The following DIAPH3 variants were observed in gnomAD, a reference collection of about 807,000 sequenced individuals.
DIAPH3 encodes the protein protein diaphanous homolog 3.
DIAPH3 carries 117 observed loss-of-function variants against 144.3 expected under a neutral mutation model. That is an observed-to-expected ratio of 0.81 (90% CI 0.70 to 0.95). The LOEUF is 0.95. Among genes scored for constraint, DIAPH3 ranks in the 40% least tolerant of loss-of-function variants. The pLI is 0.00. For synonymous variants in DIAPH3, 519 were observed against 488.9 expected (o/e 1.06, Z -0.81); for missense variants, 1,421 against 1,412.7 (o/e 1.01, Z -0.09).
At chr13:59,726,929 T>A (rs2035629042) in intron 27 of DIAPH3, among the ~76,000 whole-genome samples, 1 of 152,168 alleles carries the variant, frequency 6.6e-6, no homozygotes, top group Non-Finnish European at 1.5e-5. Context: ...AAATCAAGAA[T>A]AATAATAAAA....
At chr13:59,884,221 G>A (rs2045286883) in intron 20 of DIAPH3, among the ~76,000 whole-genome samples, 1 of 152,114 alleles carries the variant, frequency 6.6e-6, no homozygotes, top group Non-Finnish European at 1.5e-5. Context: ...TCTAATGCCT[G>A]GATGATCTGT....
intron 20 of DIAPH3, among the ~76,000 whole-genome samples, chr13:59,897,929 C>T (rs756533820): frequency 5.9e-5 from 9 of 151,406 alleles, no homozygotes; most frequent in African/African-American, 2.2e-4. Context: ...GTCAGGAGTT[C>T]GAGACCAGCC....
intron 4 of DIAPH3, among the ~76,000 whole-genome samples, chr13:60,046,606 G>A (rs1202738684): frequency 6.6e-6 from 1 of 152,120 alleles, no homozygotes; most frequent in Non-Finnish European, 1.5e-5. Context: ...ATTTGACCGA[G>A]CAATCCCATT....
chr13:59,931,524 C>T lies in DIAPH3; in HGVS notation c.2075-6654G>A, dbSNP rs78569532. Reference sequence around the variant, plus strand: ...TACATATCATAAATTTGATATTGTCCCTCTTCCTCCATTAGAAGATAAGAT... The same window carrying T: ...TACATATCATAAATTTGATATTGTCTCTCTTCCTCCATTAGAAGATAAGAT... On this transcript the variant is annotated intron_variant, in intron 17 of 27. Coordinates refer to ENST00000400324, the MANE Select transcript of DIAPH3 (RefSeq NM_001042517.2). Among the ~76,000 whole-genome samples, 903 of 152,176 alleles carry T rather than the reference C, an allele frequency of 5.9e-3. 9 individuals carry two copies. The highest frequency in any genetic ancestry group is 0.021 in the African/African-American group (855 of 41,514).
intron 27 of DIAPH3, among the ~76,000 whole-genome samples, chr13:59,714,510 G>C (rs972335410): frequency 3.9e-5 from 6 of 152,200 alleles, no homozygotes; most frequent in African/African-American, 1.4e-4. Context: ...CTGCTAGCCT[G>C]GGCAACACAG....
intron 27 of DIAPH3, among the ~76,000 whole-genome samples, chr13:59,704,084 A>G (rs969917506): frequency 1.8e-4 from 28 of 152,300 alleles, no homozygotes; most frequent in Admixed American, 4.6e-4. Flanking sequence ...TTTCCTCAGC[A>G]AAAATAGATC....
chr13:60,077,224 A>G (rs2057408556), intron 4 of DIAPH3, among the ~76,000 whole-genome samples: 1 of 152,044 alleles, frequency 6.6e-6, no homozygotes, highest in Non-Finnish European at 1.5e-5. Flanking sequence ...CAAAAATGAC[A>G]GGGGGAAATG....
At chr13:60,034,957 T>C (rs763261953) in intron 5 of DIAPH3, among the ~76,000 whole-genome samples, 1 of 151,898 alleles carries the variant, frequency 6.6e-6, no homozygotes, top group Non-Finnish European at 1.5e-5. Flanking sequence ...ACTTTACATG[T>C]TAACAGAATT....
At chr13:60,093,870 C>T (rs2058028806) in intron 3 of DIAPH3, 138 bp from the exon 4 acceptor site, 1 of 657,922 alleles carries the variant, frequency 1.5e-6, no homozygotes, top group Non-Finnish European at 2.7e-6. Flanking sequence ...GTAGTTCTGC[C>T]TGAAGGAAGG....
At chr13:60,133,629 T>C (rs915705360) in intron 1 of DIAPH3, among the ~76,000 whole-genome samples, 15 of 152,166 alleles carry the variant, frequency 9.9e-5, no homozygotes, top group African/African-American at 3.6e-4. Context: ...CTTTTGCTGA[T>C]TTCCTTGCTA....
intron 24 of DIAPH3, among the ~76,000 whole-genome samples, chr13:59,820,411 C>A (rs749971553): frequency 6.6e-6 from 1 of 151,840 alleles, no homozygotes; most frequent in Non-Finnish European, 1.5e-5. Context: ...CATATATATG[C>A]ACATTGTTTT....
intron 24 of DIAPH3, among the ~76,000 whole-genome samples, chr13:59,821,535 G>C (rs1822350824): frequency 6.6e-6 from 1 of 152,048 alleles, no homozygotes; most frequent in Admixed American, 6.5e-5. Flanking sequence ...TCAGAATATA[G>C]AAATTACGTG....
At chr13:60,085,814 T>C (rs1260914474) in intron 4 of DIAPH3, among the ~76,000 whole-genome samples, 8 of 152,094 alleles carry the variant, frequency 5.3e-5, no homozygotes, top group Non-Finnish European at 1.2e-4. Context: ...TATCACTACA[T>C]TCATGGTTAT....
intron 27 of DIAPH3, among the ~76,000 whole-genome samples, chr13:59,700,825 AC>A (rs1413777234): frequency 2.0e-5 from 3 of 152,216 alleles, no homozygotes; most frequent in Non-Finnish European, 4.4e-5. Context: ...TGTTAAATCA[AC>A]CATAAATGTT....
intron 27 of DIAPH3, among the ~76,000 whole-genome samples, chr13:59,700,334 C>A: frequency 6.6e-6 from 1 of 152,094 alleles, no homozygotes; most frequent in East Asian, 1.9e-4. Context: ...TTGGAGGACT[C>A]TGGAATAGAG....
intron 24 of DIAPH3, 33 bp from the exon 25 acceptor site, chr13:59,810,956 C>T: frequency 1.3e-6 from 2 of 1,573,248 alleles, no homozygotes; most frequent in South Asian, 1.2e-5. Context: ...TCAATTTTAA[C>T]CAGTGATTCA....
chr13:60,163,439 T>C (rs1952394597), intron 1 of DIAPH3, 148 bp downstream of exon 1: 2 of 1,142,752 alleles, frequency 1.8e-6, no homozygotes, highest in Non-Finnish European at 2.4e-6. Context: ...CAACTACAAC[T>C]AGACCCGGTC....
intron 17 of DIAPH3, among the ~76,000 whole-genome samples, chr13:59,948,450 T>TTGG (rs2140424338): frequency 1.3e-5 from 2 of 152,198 alleles, no homozygotes; most frequent in Non-Finnish European, 2.9e-5. Flanking sequence ...ACACTTAGTT[T>TTGG]TTGTTGTTGT....
chr13:60,154,267 G>A (rs542608679), intron 1 of DIAPH3, among the ~76,000 whole-genome samples: 7 of 152,204 alleles, frequency 4.6e-5, no homozygotes, highest in South Asian at 2.1e-4. Context: ...AGGTTACAAT[G>A]AGCCAGGTAT....
Sources: allele counts gnomAD v4.1 joint callset (sites outside exome capture counted in the v4.1 genomes callset), GRCh38; gene constraint gnomAD v4.1.1; transcripts MANE v1.5; gene names NCBI Gene and HGNC (gene_info 2026-07-23, HGNC 2026-07-21).